NAV3: variants seen among roughly 807,000 people sequenced by gnomAD.
The protein encoded by NAV3 is pore membrane and/or filament interacting like protein 1.
NAV3 carries 87 observed loss-of-function variants against 244.7 expected under a neutral mutation model. The ratio of observed to expected loss-of-function variants is 0.36; its 90% CI spans 0.30 to 0.42. The LOEUF is 0.42. Ranked by LOEUF, NAV3 falls within the 20% of genes least tolerant of loss-of-function variation. NAV3 has a pLI of 1.00. For missense variants in NAV3, 2,663 were observed against 2,893.3 expected, an observed-to-expected ratio of 0.92 and a Z score of 1.83; for synonymous variants, 1,126 against 1,042.2, an observed-to-expected ratio of 1.08 and a Z score of -1.55.
At chr12:77,725,657 T>C (rs1318790943) in intron 2 of NAV3, among the ~76,000 whole-genome samples, 1 of 151,962 alleles carries the variant, frequency 6.6e-6, no homozygotes, top group African/African-American at 2.4e-5. Flanking sequence ...TGAACTCTTC[T>C]ATACTCATGT....
intron 2 of NAV3, among the ~76,000 whole-genome samples, chr12:77,627,765 A>T (rs1399104194): frequency 6.6e-6 from 1 of 152,226 alleles, no homozygotes; most frequent in African/African-American, 2.4e-5. Context: ...TAGCCAAAAT[A>T]TGGAATCAAC....
chr12:78,031,636 C>CA (rs930165468), intron 9 of NAV3, among the ~76,000 whole-genome samples: 23 of 148,950 alleles, frequency 1.5e-4, no homozygotes, highest in African/African-American at 5.0e-4. Context: ...ATTGCAAGAA[C>CA]AAAAAACCAA....
intron 8 of NAV3, among the ~76,000 whole-genome samples, chr12:78,019,454 C>T (rs1451851149): frequency 6.6e-6 from 1 of 152,088 alleles, no homozygotes; most frequent in Non-Finnish European, 1.5e-5. Flanking sequence ...AAACATTAAT[C>T]AATTAATTAC....
At chr12:78,160,342 G>A (rs963760878) in intron 23 of NAV3, among the ~76,000 whole-genome samples, 2 of 150,052 alleles carry the variant, frequency 1.3e-5, no homozygotes, top group African/African-American at 4.9e-5. Flanking sequence ...CCTTGGATAG[G>A]TATCAGAGAT....
At chr12:77,629,274 T>TA (rs1871779913) in intron 2 of NAV3, among the ~76,000 whole-genome samples, 1 of 152,218 alleles carries the variant, frequency 6.6e-6, no homozygotes, top group African/African-American at 2.4e-5. Flanking sequence ...CAGCATGATT[T>TA]ATCTCTAATT....
At position 78,008,921 on chromosome 12, in the gene NAV3, A is replaced by G. The variant is rs573619374; in HGVS notation, c.1907+1476A>G. On this transcript the variant is annotated intron_variant, in intron 8 of 39. Coordinates refer to ENST00000397909, the MANE Select transcript of NAV3 (RefSeq NM_001024383.2). Reference sequence around the variant, plus strand: ...ATGATCCACATTTCAAAAACGTGAGAAAAAAAATCATGAAGTTTTAAATAT... The same window carrying G: ...ATGATCCACATTTCAAAAACGTGAGGAAAAAAATCATGAAGTTTTAAATAT... 2.0e-5 allele frequency among the ~76,000 whole-genome samples: 3 copies of G among 151,890 alleles called. No individual in the cohort carries two copies. The South Asian group carries it at 6.2e-4, about 32-fold the overall frequency.
At chr12:77,669,924 C>G (rs754625528) in intron 2 of NAV3, among the ~76,000 whole-genome samples, 2 of 151,792 alleles carry the variant, frequency 1.3e-5, no homozygotes, top group Non-Finnish European at 2.9e-5. Flanking sequence ...AAACCCAAAG[C>G]CAGCAGAAGA....
Position 78,119,547 on chromosome 12 carries a change from A to T in NAV3, c.3351A>T (p.Ser1117=), listed in dbSNP as rs200438743. The stretch of plus-strand genomic sequence containing the variant: ...GGAGAAAAACCAGTTTGGACGGTTC[A>T]CAGAATCAGGATGATGTTGTGCTGC... ...NAGRKTSLDG[S]QNQDDVVLHV... The change falls in exon 15 of 40, where the codon TCA becomes TCT. Residue 1117 remains serine, a synonymous_variant. Coordinates refer to ENST00000397909, the MANE Select transcript of NAV3 (RefSeq NM_001024383.2). The T allele has an allele frequency of 3.1e-6, 5 of 1,614,094 alleles. No homozygotes were observed. In the African/African-American group the frequency reaches 6.7e-5, roughly 22 times the overall value.
chr12:77,630,787 G>T (rs777033576), intron 2 of NAV3, among the ~76,000 whole-genome samples: 107 of 152,150 alleles, frequency 7.0e-4, no homozygotes, highest in Non-Finnish European at 1.2e-3. Context: ...AAAATTTGCA[G>T]ATTCACACCT....
intron 3 of NAV3, among the ~76,000 whole-genome samples, chr12:77,952,986 GT>G (rs1417806871): frequency 1.3e-5 from 2 of 151,836 alleles, no homozygotes; most frequent in Admixed American, 6.6e-5. Flanking sequence ...GTTTGGTTTT[GT>G]TTTCTGGAAC....
intron 2 of NAV3, among the ~76,000 whole-genome samples, chr12:77,588,193 C>T (rs57221025): frequency 2.0e-5 from 3 of 151,976 alleles, no homozygotes; most frequent in African/African-American, 7.2e-5. Flanking sequence ...TCACAGCACA[C>T]TGCAGCCTTG....
intron 2 of NAV3, among the ~76,000 whole-genome samples, chr12:77,767,137 A>G (rs1869819182): frequency 6.6e-6 from 1 of 152,088 alleles, no homozygotes; most frequent in Admixed American, 6.6e-5. Flanking sequence ...AACCTTGTCT[A>G]CTTGTATGAT....
chr12:77,707,759 T>G (rs138556513), intron 2 of NAV3, among the ~76,000 whole-genome samples: 1 of 152,176 alleles, frequency 6.6e-6, no homozygotes. Context: ...CCATTTTAAC[T>G]GGTGTGAGAT....
intron 2 of NAV3, among the ~76,000 whole-genome samples, chr12:77,686,974 G>T (rs1874783120): frequency 6.7e-6 from 1 of 148,938 alleles, no homozygotes; most frequent in Non-Finnish European, 1.5e-5. Context: ...CTCTCGGTGG[G>T]GTCTTTTTTC....
intron 18 of NAV3, among the ~76,000 whole-genome samples, chr12:78,134,700 T>C (rs191056552): frequency 1.7e-4 from 26 of 152,220 alleles, no homozygotes; most frequent in African/African-American, 5.8e-4. Context: ...TACAGTGAGC[T>C]ATGATCGTGG....
At chr12:78,070,851 T>G (rs1387297281) in intron 12 of NAV3, among the ~76,000 whole-genome samples, 9 of 149,554 alleles carry the variant, frequency 6.0e-5, no homozygotes, top group Non-Finnish European at 8.9e-5. Flanking sequence ...TGATTTCCAA[T>G]TTCATCCATG....
At chr12:78,150,357 G>A (rs922062741) in intron 22 of NAV3, among the ~76,000 whole-genome samples, 7 of 152,074 alleles carry the variant, frequency 4.6e-5, no homozygotes, top group Admixed American at 2.0e-4. Context: ...CCTTGGTTGA[G>A]CTCATCATAT....
chr12:77,654,700 A>C (rs1230617572), intron 2 of NAV3, among the ~76,000 whole-genome samples: 1 of 152,128 alleles, frequency 6.6e-6, no homozygotes, highest in Middle Eastern at 3.2e-3. Context: ...AACTGGGAGG[A>C]ACCCCCCAGT....
At chr12:77,783,922 G>C (rs1046083708) in intron 2 of NAV3, among the ~76,000 whole-genome samples, 3 of 152,102 alleles carry the variant, frequency 2.0e-5, no homozygotes, top group African/African-American at 7.2e-5. Flanking sequence ...GTGTGTGTCA[G>C]GGAAGAGGGT....
Sources: gnomAD v4.1 joint callset for allele counts (sites outside exome capture counted in the v4.1 genomes callset) on GRCh38, gnomAD v4.1.1 for gene constraint, MANE v1.5 for transcripts, NCBI Gene and HGNC (gene_info 2026-07-23, HGNC 2026-07-21) for gene names.